Variants in CPXM2 observed in about 807,000 individuals in gnomAD.
The protein encoded by CPXM2 is carboxypeptidase X, M14 family member 2.
In CPXM2, 66 loss-of-function variants were observed where a neutral mutation model predicts 86.1. The ratio of observed to expected loss-of-function variants is 0.77; its 90% CI spans 0.63 to 0.94. The LOEUF is 0.94. Ranked by LOEUF, CPXM2 falls within the 40% of genes least tolerant of loss-of-function variation. The pLI is 0.00. For synonymous variants in CPXM2, 388 were observed against 400.2 expected (o/e 0.97, Z 0.36); for missense variants, 948 against 1,026.3 (o/e 0.92, Z 1.04).
In CPXM2 at chr10:123,891,106, G is replaced by A. The variant is rs1945259575; in HGVS notation, c.304+250C>T. Among the ~76,000 whole-genome samples the A allele has an allele frequency of 6.6e-6, 1 of 152,230 alleles. No individual in the cohort carries two copies. On this transcript the variant is annotated intron_variant, in intron 1 of 13. Coordinates refer to ENST00000241305, the MANE Select transcript of CPXM2 (RefSeq NM_198148.3). The surrounding 1 kb of genome is among the most constrained non-coding windows in gnomAD (Gnocchi z 5.6). ...GACTCTCATAGGCAGCCTCCCAATT[G>A]CACAGCTCCCTCTTTACCTAAGGGC...
intron 2 of CPXM2, among the ~76,000 whole-genome samples, chr10:123,929,392 G>A (rs781585611): frequency 6.6e-6 from 1 of 152,236 alleles, no homozygotes; most frequent in Non-Finnish European, 1.5e-5. Context: ...TTCCTGGTCA[G>A]CACCACTGAT....
intron 11 of CPXM2, among the ~76,000 whole-genome samples, chr10:123,758,741 T>G (rs1323579498): frequency 6.6e-6 from 1 of 152,174 alleles, no homozygotes; most frequent in Non-Finnish European, 1.5e-5. Flanking sequence ...GGATGATGAT[T>G]AGCAAGCTGC....
intron 4 of CPXM2, among the ~76,000 whole-genome samples, chr10:123,814,694 C>A (rs1382405260): frequency 6.6e-6 from 1 of 152,178 alleles, no homozygotes; most frequent in East Asian, 1.9e-4. Flanking sequence ...ATAGTATGGA[C>A]AACACTGATA....
At chr10:123,915,735 T>A (rs777908860) in intron 2 of CPXM2, among the ~76,000 whole-genome samples, 1 of 151,994 alleles carries the variant, frequency 6.6e-6, no homozygotes, top group African/African-American at 2.4e-5. Flanking sequence ...ATCCTCAGAG[T>A]TGGTCAATAG....
intron 2 of CPXM2, 47 bp from the exon 3 acceptor site, chr10:123,862,770 G>A (rs961788927): frequency 3.3e-6 from 5 of 1,507,938 alleles, no homozygotes; most frequent in Admixed American, 3.4e-5. Flanking sequence ...ATGCTGAAAG[G>A]GATGAGTTTC....
chr10:123,775,269 T>G (rs1177237058), intron 7 of CPXM2, among the ~76,000 whole-genome samples: 1 of 152,228 alleles, frequency 6.6e-6, no homozygotes, highest in East Asian at 1.9e-4. Context: ...CATATACTCG[T>G]CCCTGCTGAT....
At chr10:123,776,081 G>A (rs1846780479) in intron 7 of CPXM2, among the ~76,000 whole-genome samples, 1 of 152,126 alleles carries the variant, frequency 6.6e-6, no homozygotes, top group Non-Finnish European at 1.5e-5. Context: ...CATTCAAAAG[G>A]GATGACATCA....
chr10:123,943,231 C>T (rs1189599334), upstream of CPXM2, among the ~76,000 whole-genome samples: 1 of 151,726 alleles, frequency 6.6e-6, no homozygotes. Context: ...TTGCTTTCCT[C>T]ACTAAATAGT....
At chr10:123,826,734 G>C (rs369096345) in intron 4 of CPXM2, among the ~76,000 whole-genome samples, 3 of 151,962 alleles carry the variant, frequency 2.0e-5, no homozygotes, top group African/African-American at 7.3e-5. Flanking sequence ...AGTTGAAATC[G>C]ACTTACGGAC....
chr10:123,920,183 G>C (rs963921118), intron 2 of CPXM2, among the ~76,000 whole-genome samples: 1 of 152,134 alleles, frequency 6.6e-6, no homozygotes, highest in African/African-American at 2.4e-5. Context: ...TAAATCAACA[G>C]AGCCTCAGTG....
intron 13 of CPXM2, among the ~76,000 whole-genome samples, chr10:123,747,406 T>A (rs1281666495): frequency 6.6e-6 from 1 of 152,226 alleles, no homozygotes; most frequent in African/African-American, 2.4e-5. Context: ...TTCCTTAGCA[T>A]GGCTGCAAGT....
At chr10:123,756,787 G>C (rs74161096) in intron 12 of CPXM2, among the ~76,000 whole-genome samples, 1 of 152,200 alleles carries the variant, frequency 6.6e-6, no homozygotes. Flanking sequence ...GATGGCAGCC[G>C]AGGAGACAAG....
intron 4 of CPXM2, among the ~76,000 whole-genome samples, chr10:123,821,962 G>A (rs115644608): frequency 8.0e-4 from 122 of 152,258 alleles, no homozygotes; most frequent in African/African-American, 2.7e-3. Context: ...AGACTTCCCA[G>A]GGACTTATAA....
chr10:123,771,419 C>T (rs1391958723), intron 7 of CPXM2, among the ~76,000 whole-genome samples: 1 of 151,982 alleles, frequency 6.6e-6, no homozygotes, highest in Non-Finnish European at 1.5e-5. Context: ...GCTAGGCCCT[C>T]TAGGAGGTGA....
chr10:123,801,751 C>T (rs965954400), intron 4 of CPXM2, among the ~76,000 whole-genome samples: 4 of 152,140 alleles, frequency 2.6e-5, no homozygotes, highest in Admixed American at 1.3e-4. Context: ...TTGCGTTCTC[C>T]GTGTTCTTTC....
At chr10:123,910,989 C>CGTGTGT (rs1222744680) in intron 2 of CPXM2, among the ~76,000 whole-genome samples, 1 of 152,114 alleles carries the variant, frequency 6.6e-6, no homozygotes, top group African/African-American at 2.4e-5. Flanking sequence ...GCACTCCCCT[C>CGTGTGT]GTGTGTCTGT....
chr10:123,767,978 A>G (rs74162931), intron 9 of CPXM2, among the ~76,000 whole-genome samples: 263 of 152,308 alleles, frequency 1.7e-3, no homozygotes, highest in African/African-American at 6.2e-3. Flanking sequence ...GTTCATCTTC[A>G]CGTCCTCCAG....
intron 4 of CPXM2, among the ~76,000 whole-genome samples, chr10:123,837,074 C>T (rs1848297137): frequency 6.6e-6 from 1 of 152,264 alleles, no homozygotes; most frequent in Non-Finnish European, 1.5e-5. Flanking sequence ...CCTTTCTTGT[C>T]CTGGTCTTCC....
chr10:123,824,004 C>T (rs539317434), intron 4 of CPXM2, among the ~76,000 whole-genome samples: 6 of 152,238 alleles, frequency 3.9e-5, no homozygotes, highest in South Asian at 2.1e-4. Context: ...TCCCTTGGCA[C>T]GTTTTCAGCT....
Sources: gnomAD v4.1 joint callset for allele counts (sites outside exome capture counted in the v4.1 genomes callset) on GRCh38, gnomAD v4.1.1 for gene constraint, Gnocchi (gnomAD v3.1) non-coding constraint, MANE v1.5 for transcripts, NCBI Gene and HGNC (gene_info 2026-07-23, HGNC 2026-07-21) for gene names.